Variants in SDK1 observed in about 807,000 individuals in gnomAD.
SDK1 encodes protein sidekick-1.
A neutral mutation model predicts 245.5 loss-of-function variants in SDK1; 157 were observed. That is an observed-to-expected ratio of 0.64 (90% CI 0.56 to 0.73). The LOEUF is 0.73. Ranked by LOEUF, SDK1 falls within the 30% of genes least tolerant of loss-of-function variation. The pLI is 0.00. For synonymous variants in SDK1, 1,647 were observed against 1,278.5 expected (o/e 1.29, Z -6.15); for missense variants, 3,583 against 3,002.3 (o/e 1.19, Z -4.52).
rs772031074 is a variant in SDK1, at chr7:4,145,925, T to C, written c.4423+9T>C. The C allele has an allele frequency of 1.6e-5, 26 of 1,591,710 alleles. No homozygotes were observed. The highest frequency in any genetic ancestry group is 2.3e-5 in the East Asian group (1 of 44,304). On this transcript the variant is annotated intron_variant, in intron 29 of 44. Transcript: ENST00000404826. ...CACCACCGAGAAGAGAGGTAAGACC[T>C]TGGGGGACCCGGGGGTACTGCAGAT...
intron 19 of SDK1, among the ~76,000 whole-genome samples, chr7:4,055,699 T>C (rs1779152531): frequency 6.6e-6 from 1 of 152,148 alleles, no homozygotes. Context: ...CTCCCTTTTC[T>C]GCTTTCTTGA....
At chr7:4,054,896 A>G (rs1779105554) in intron 19 of SDK1, among the ~76,000 whole-genome samples, 1 of 152,186 alleles carries the variant, frequency 6.6e-6, no homozygotes, top group African/African-American at 2.4e-5. Context: ...GGTCTGTTAG[A>G]TTACATTGAC....
chr7:3,509,405 C>T (rs1213497098), intron 1 of SDK1, among the ~76,000 whole-genome samples: 1 of 152,120 alleles, frequency 6.6e-6, no homozygotes, highest in Non-Finnish European at 1.5e-5. Context: ...GTGTGTGTTT[C>T]CTCAGTTGTA....
chr7:3,785,575 C>G (rs1373953514), intron 4 of SDK1, among the ~76,000 whole-genome samples: 1 of 152,058 alleles, frequency 6.6e-6, no homozygotes, highest in East Asian at 1.9e-4. Flanking sequence ...GAAAACATTA[C>G]AAATTAAATA....
intron 1 of SDK1, among the ~76,000 whole-genome samples, chr7:3,524,256 G>C (rs1319512917): frequency 1.3e-5 from 2 of 152,160 alleles, no homozygotes; most frequent in Non-Finnish European, 2.9e-5. Context: ...GGAGTCAGAT[G>C]ACAAGCTATA....
At chr7:3,684,371 G>C (rs1370707193) in intron 4 of SDK1, among the ~76,000 whole-genome samples, 4 of 152,186 alleles carry the variant, frequency 2.6e-5, no homozygotes, top group Admixed American at 6.5e-5. Flanking sequence ...GTTGTAAAGT[G>C]CATACTGAAG....
intron 1 of SDK1, among the ~76,000 whole-genome samples, chr7:3,513,426 A>G (rs924079312): frequency 2.6e-5 from 4 of 152,216 alleles, no homozygotes; most frequent in East Asian, 1.9e-4. Context: ...AAGGTAAAAT[A>G]TAGACGTTAA....
At chr7:4,095,269 C>A (rs1200572089) in intron 22 of SDK1, among the ~76,000 whole-genome samples, 2 of 138,668 alleles carry the variant, frequency 1.4e-5, no homozygotes, top group Non-Finnish European at 3.1e-5. Context: ...CTCAGCTCCC[C>A]CATATCTGAG....
intron 17 of SDK1, among the ~76,000 whole-genome samples, chr7:4,047,299 T>A (rs989124591): frequency 7.2e-5 from 11 of 152,246 alleles, no homozygotes; most frequent in Admixed American, 6.5e-4. Context: ...TTACTTTGAT[T>A]GTTATTCACA....
intron 40 of SDK1, among the ~76,000 whole-genome samples, chr7:4,230,500 AAAG>A (rs1269529593): frequency 6.8e-6 from 1 of 147,750 alleles, no homozygotes; most frequent in Non-Finnish European, 1.5e-5. Flanking sequence ...GGAAGGAAGG[AAAG>A]AAGGTTGGTT....
At chr7:4,189,235 TGTCAA>T (rs1783054992) in intron 35 of SDK1, among the ~76,000 whole-genome samples, 1 of 152,162 alleles carries the variant, frequency 6.6e-6, no homozygotes, top group African/African-American at 2.4e-5. Flanking sequence ...TGCTGTTGCT[TGTCAA>T]GTCATTCCTG....
chr7:3,370,794 G>A (rs1460012622), intron 1 of SDK1, among the ~76,000 whole-genome samples: 1 of 152,154 alleles, frequency 6.6e-6, no homozygotes, highest in Non-Finnish European at 1.5e-5. Flanking sequence ...TACACAGTGT[G>A]CATAGCTTTG....
At chr7:3,975,323 C>T (rs1782832131) in intron 13 of SDK1, among the ~76,000 whole-genome samples, 1 of 152,180 alleles carries the variant, frequency 6.6e-6, no homozygotes. Context: ...CTCATCAAGG[C>T]AGTGGCCAGC....
intron 1 of SDK1, among the ~76,000 whole-genome samples, chr7:3,468,701 C>T (rs777378690): frequency 6.6e-6 from 1 of 152,154 alleles, no homozygotes; most frequent in African/African-American, 2.4e-5. Context: ...CGAACTCAGT[C>T]TGTTAGCATT....
At chr7:3,462,464 C>T (rs541098988) in intron 1 of SDK1, among the ~76,000 whole-genome samples, 1 of 152,288 alleles carries the variant, frequency 6.6e-6, no homozygotes, top group South Asian at 2.1e-4. Context: ...CTATTTCATT[C>T]ATGTACATAG....
intron 2 of SDK1, among the ~76,000 whole-genome samples, chr7:3,634,156 G>C (rs922142497): frequency 6.6e-6 from 1 of 152,146 alleles, no homozygotes; most frequent in African/African-American, 2.4e-5. Flanking sequence ...GGTCTTTTCA[G>C]CCTTTAATTT....
chr7:3,616,175 C>T (rs1781766200), intron 1 of SDK1, among the ~76,000 whole-genome samples: 3 of 152,216 alleles, frequency 2.0e-5, no homozygotes, highest in African/African-American at 7.2e-5. Flanking sequence ...CATAAGCCAC[C>T]ACAACTGGCT....
At chr7:3,740,734 T>A (rs1779454861) in intron 4 of SDK1, among the ~76,000 whole-genome samples, 1 of 152,212 alleles carries the variant, frequency 6.6e-6, no homozygotes. Context: ...TTAACAAGAT[T>A]CGTCTGTTTT....
In SDK1 at chr7:4,265,393, C is replaced by T. The variant is rs958681025; in HGVS notation, c.*9C>T. The T allele has an allele frequency of 1.4e-6, 2 of 1,424,834 alleles. No individual in the cohort carries two copies. Among genetic ancestry groups the T allele is most frequent in the East Asian group, 2.7e-5 (1 of 37,650 alleles). 88.3% of individuals were successfully genotyped at this position (1,424,834 alleles called of 1,614,324 possible). On this transcript the variant is annotated 3_prime_UTR_variant, in exon 45 of 45. Coordinates refer to ENST00000404826, the MANE Select transcript of SDK1 (RefSeq NM_152744.4). ...TCTCCTCCTTCGTGTGAGCAAAGCG[C>T]CGCGCCTCCCTCAGGGCGGAACGGA...
Sources: gnomAD v4.1 joint callset for allele counts (sites outside exome capture counted in the v4.1 genomes callset) on GRCh38, gnomAD v4.1.1 for gene constraint, MANE v1.5 for transcripts, NCBI Gene and HGNC (gene_info 2026-07-23, HGNC 2026-07-21) for gene names.